Variants in AVEN observed in about 807,000 individuals in gnomAD.
The protein encoded by AVEN is cell death regulator Aven.
Under a neutral mutation model 38.1 loss-of-function variants are expected in AVEN, and 41 were observed. The observed-to-expected ratio is 1.08, with a 90% CI of 0.84 to 1.40. AVEN has a LOEUF of 1.40. AVEN is among the 40% of genes most tolerant of loss of function. AVEN has a pLI of 0.00. For synonymous variants in AVEN, 206 were observed against 171.8 expected (o/e 1.20, Z -1.56); for missense variants, 605 against 438.8 (o/e 1.38, Z -3.38).
chr15:33,933,524 C>CACACACACACACACACACAGAGAGAG (rs1893945145), intron 2 of AVEN, among the ~76,000 whole-genome samples: 3 of 46,650 alleles, frequency 6.4e-5, no homozygotes, highest in African/African-American at 1.4e-4. Context: ...CACACACACA[C>CACACACACACACACACACAGAGAGAG]AGAGAGAGAG....
At chr15:33,874,269 A>G (rs1323206329) in intron 3 of AVEN, among the ~76,000 whole-genome samples, 1 of 152,122 alleles carries the variant, frequency 6.6e-6, no homozygotes, top group Admixed American at 6.5e-5. Flanking sequence ...GAAGCAATAG[A>G]GAAGGAAAAA....
rs760645906 is a variant in AVEN at position 33,867,779 on chromosome 15, T to C, written c.689A>G (p.Lys230Arg). The C allele has an allele frequency of 6.2e-7, 1 of 1,614,076 alleles. No homozygotes were observed. Among genetic ancestry groups the C allele is most frequent in the Admixed American group, 1.7e-5 (1 of 60,004 alleles). Residue 230 changes from lysine (K) to arginine (R), a missense_variant, in exon 5 of 6, where the codon AAG becomes AGG. By Grantham distance (26) the Lys-to-Arg change is conservative. Transcript: ENST00000306730. ...DDGKGLGMQLKGPLGPGGRGP... is the reference protein window; with the variant it reads ...DDGKGLGMQLRGPLGPGGRGP... ...CCTTCCTCCAGGCCCCAAGGGCCCC[T>C]TTAACTGCATCCCTAATCCCTTGCC...
chr15:33,904,423 T>G (rs1009336749), intron 2 of AVEN, among the ~76,000 whole-genome samples: 1 of 152,136 alleles, frequency 6.6e-6, no homozygotes, highest in Non-Finnish European at 1.5e-5. Flanking sequence ...GTGTTTTGTT[T>G]TGTTTGAGAC....
chr15:33,857,865 A>C, downstream of AVEN: 1 of 1,614,190 alleles, frequency 6.2e-7, no homozygotes, highest in Non-Finnish European at 8.5e-7. Flanking sequence ...TTCTACAACA[A>C]AAGCGAAGAC....
At chr15:33,854,761 C>G, downstream of AVEN, 3 of 1,598,754 alleles carry the variant, frequency 1.9e-6, no homozygotes, top group South Asian at 1.1e-5. Flanking sequence ...TTCTTCCATT[C>G]CCAGTCCTTT....
intron 3 of AVEN, among the ~76,000 whole-genome samples, chr15:33,872,421 C>T (rs970162052): frequency 6.6e-6 from 1 of 152,192 alleles, no homozygotes; most frequent in Non-Finnish European, 1.5e-5. Context: ...GAATCTACAG[C>T]AATTACTGTC....
At chr15:33,854,480 T>G (rs1283680528), downstream of AVEN, 1 of 1,524,084 alleles carries the variant, frequency 6.6e-7, no homozygotes, top group Non-Finnish European at 8.9e-7. Context: ...AACAAAATTC[T>G]ATACCCCAGT....
intron 1 of AVEN, among the ~76,000 whole-genome samples, chr15:34,013,881 G>A (rs1346733149): frequency 2.0e-5 from 3 of 152,078 alleles, no homozygotes; most frequent in Non-Finnish European, 2.9e-5. Context: ...GTAGACTCAC[G>A]GCCTGAGATG....
At chr15:33,998,337 C>T (rs528550652) in intron 2 of AVEN, among the ~76,000 whole-genome samples, 1 of 152,208 alleles carries the variant, frequency 6.6e-6, no homozygotes, top group East Asian at 1.9e-4. Flanking sequence ...AAAAAAATGT[C>T]TTAACTGGCC....
intron 1 of AVEN, among the ~76,000 whole-genome samples, chr15:34,037,109 CAAAAAA>C (rs59011779): frequency 7.3e-6 from 1 of 137,696 alleles, no homozygotes. Flanking sequence ...AACTCCGTCT[CAAAAAA>C]AAAAAAAAAA....
chr15:33,904,712 T>TACACACACACACACACACACACAC (rs1394478053), intron 2 of AVEN, among the ~76,000 whole-genome samples: 9 of 138,184 alleles, frequency 6.5e-5, no homozygotes, highest in Non-Finnish European at 1.1e-4. Context: ...TATATATATA[T>TACACACACACACACACACACACAC]ATATACACAC....
At chr15:33,953,444 T>C (rs1292672439) in intron 2 of AVEN, among the ~76,000 whole-genome samples, 3 of 152,044 alleles carry the variant, frequency 2.0e-5, no homozygotes, top group Non-Finnish European at 2.9e-5. Flanking sequence ...AACAGAGATA[T>C]AGACCAATGG....
At chr15:33,865,518 G>C (rs1312786170), downstream of AVEN, 1 of 337,700 alleles carries the variant, frequency 3.0e-6, no homozygotes, top group South Asian at 5.1e-5. Context: ...AGTTCAGTTT[G>C]TTGGGATGGA....
intron 2 of AVEN, among the ~76,000 whole-genome samples, chr15:33,981,512 A>C (rs1281722514): frequency 5.9e-5 from 9 of 152,178 alleles, no homozygotes; most frequent in Admixed American, 1.3e-4. Flanking sequence ...AAGGGGAGGA[A>C]ACACAAGTTT....
At position 34,038,819 on chromosome 15, in the gene AVEN, GC is replaced by G; in HGVS notation, c.227del (p.Arg76ProfsTer134). ...CTGCGCCCCAGCCTCCCGGCTCCCG[GC>G]GGCTGCCTCGCGGGGCGCCTCCTCC... The part of the protein sequence containing the change: ...RGGGGAPRGS[R>X]REPGGWGAGA... On this transcript the variant is annotated frameshift_variant, in exon 1 of 6. Transcript: ENST00000306730. LOFTEE classifies it high-confidence loss of function. The G allele has an allele frequency of 8.4e-7, 1 of 1,192,988 alleles. No homozygotes were observed. Among genetic ancestry groups the G allele is most frequent in the Non-Finnish European group, 1.0e-6 (1 of 962,982 alleles). The allele number at this position is 1,192,988 out of a possible 1,614,324, so 73.9% of individuals were successfully genotyped here. A position where few individuals can be genotyped will look rare whatever the true frequency, so the allele number is the denominator to read the frequency against.
chr15:34,039,033 C>A lies in AVEN; in HGVS notation c.14G>T (p.Arg5Leu), dbSNP rs1159700972. 1.3e-4 allele frequency: 141 copies of A among 1,118,982 alleles called. No individual in the cohort carries two copies. The highest frequency in any genetic ancestry group is 3.9e-4 in the East Asian group (7 of 18,046). 69.3% of individuals were successfully genotyped at this position (1,118,982 alleles called of 1,614,324 possible). The change falls in exon 1 of 6, where the codon CGA (arginine) becomes CTA (leucine). Residue 5 changes from arginine (R) to leucine (L), a missense_variant. Arg to Leu is a moderately radical substitution (Grantham distance 102, BLOSUM62 -2). Coordinates refer to ENST00000306730, the MANE Select transcript of AVEN (RefSeq NM_020371.3). The part of the protein sequence containing the change: MQAE[R>L]GARGGRGRRP... ...CCGCCCACGGCCTCCCCGAGCTCCTCGCTCCGCCTGCATCTGGCCGCCGCT... is the reference window on the plus strand; with the variant it reads ...CCGCCCACGGCCTCCCCGAGCTCCTAGCTCCGCCTGCATCTGGCCGCCGCT...
intron 2 of AVEN, among the ~76,000 whole-genome samples, chr15:33,942,209 G>C (rs1408605627): frequency 1.3e-5 from 2 of 152,106 alleles, no homozygotes; most frequent in East Asian, 3.9e-4. Context: ...CTTAGCTCCT[G>C]TTGTCAAATT....
upstream of AVEN, among the ~76,000 whole-genome samples, chr15:34,043,246 CA>C (rs59481537): frequency 0.035 from 3,944 of 112,168 alleles, 145 homozygotes; most frequent in African/African-American, 0.11. Flanking sequence ...GAATCCGTCT[CA>C]AAAAAAAAAA....
chr15:34,015,261 G>C (rs935181904), intron 1 of AVEN, among the ~76,000 whole-genome samples: 7 of 152,018 alleles, frequency 4.6e-5, no homozygotes, highest in Admixed American at 2.6e-4. Flanking sequence ...AGGCAGGCGG[G>C]TCACGAGGTC....
Sources: gnomAD v4.1 joint callset for allele counts (sites outside exome capture counted in the v4.1 genomes callset) on GRCh38, gnomAD v4.1.1 for gene constraint, MANE v1.5 for transcripts, NCBI Gene and HGNC (gene_info 2026-07-23, HGNC 2026-07-21) for gene names.